The following CWF19L2 variants were observed in gnomAD, a reference collection of about 807,000 sequenced individuals.
CWF19L2 encodes CWF19-like protein 2.
In CWF19L2, 98 loss-of-function variants were observed where a neutral mutation model predicts 111.7. The ratio of observed to expected loss-of-function variants is 0.88; its 90% CI spans 0.75 to 1.04. The LOEUF (loss-of-function observed/expected upper bound fraction) is 1.04, where lower values mean the gene tolerates loss of function less well. Among genes scored for constraint, CWF19L2 ranks in the 50% least tolerant of loss-of-function variants. The pLI is 0.00. For missense variants in CWF19L2, 1,101 were observed against 1,051.4 expected, an observed-to-expected ratio of 1.05 and a Z score of -0.65; for synonymous variants, 351 against 342.9, an observed-to-expected ratio of 1.02 and a Z score of -0.26.
intron 12 of CWF19L2, among the ~76,000 whole-genome samples, chr11:107,375,854 A>G (rs1860590730): frequency 2.2e-5 from 1 of 45,484 alleles, no homozygotes; most frequent in Admixed American, 1.5e-4. Flanking sequence ...GAAAGGATCA[A>G]CAAAATTGAT....
In CWF19L2 at chr11:107,439,187, G is replaced by C. The variant is rs1306488539; in HGVS notation, c.571-4C>G. 6.4e-7 allele frequency: 1 copy of C among 1,566,404 alleles called. No homozygotes were observed. The highest frequency in any genetic ancestry group is 2.2e-5 in the East Asian group (1 of 44,456). ...ATTCTCTTTCCATCAGTTTGGACTA[G>C]AACAAATTATTTTCAGAGGTGAAAT... On this transcript the variant is annotated splice_polypyrimidine_tract_variant and splice_region_variant and intron_variant, in intron 5 of 17. Transcript: ENST00000282251.
chr11:107,422,791 A>G (rs1454357200), intron 8 of CWF19L2, among the ~76,000 whole-genome samples: 1 of 151,986 alleles, frequency 6.6e-6, no homozygotes, highest in African/African-American at 2.4e-5. Context: ...AATATATGGA[A>G]ATTATTTTTA....
chr11:107,432,087 T>C (rs900246383), intron 7 of CWF19L2, among the ~76,000 whole-genome samples: 3 of 152,022 alleles, frequency 2.0e-5, no homozygotes, highest in Non-Finnish European at 4.4e-5. Flanking sequence ...AAAAATAATA[T>C]GAGGGATTTT....
Position 107,405,852 on chromosome 11 carries a change from A to AGAAGAAGAG in CWF19L2, c.1617+10356_1617+10357insCTCTTCTTC, listed in dbSNP as rs1555023833. 2.0e-4 allele frequency among the ~76,000 whole-genome samples: 29 copies of AGAAGAAGAG among 142,982 alleles called. No individual in the cohort carries two copies. In the East Asian group the frequency reaches 6.0e-3, roughly 30 times the overall value. The allele number at this position is 142,982 out of a possible 152,430, so 93.8% of individuals were successfully genotyped here. On this transcript the variant is annotated intron_variant, in intron 10 of 17. Coordinates refer to ENST00000282251, the MANE Select transcript of CWF19L2 (RefSeq NM_152434.3). ...TATGAAGCAAGCCAAAAAAAAAAAAAGAAGAAGAAGAAGAAGATAATGCAA... is the reference window on the plus strand; with the variant it reads ...TATGAAGCAAGCCAAAAAAAAAAAAAGAAGAAGAGGAAGAAGAAGAAGAAGATAATGCAA...
chr11:107,349,148 A>T (rs1410544740), intron 13 of CWF19L2, 95 bp from the exon 14 acceptor site: 2 of 461,094 alleles, frequency 4.3e-6, no homozygotes, highest in African/African-American at 4.0e-5. Flanking sequence ...GTAACAGATG[A>T]GCCCCTAGTA....
intron 10 of CWF19L2, among the ~76,000 whole-genome samples, chr11:107,414,933 T>G (rs1372393380): frequency 1.3e-5 from 2 of 152,196 alleles, no homozygotes; most frequent in African/African-American, 4.8e-5. Flanking sequence ...AAAGCCCACC[T>G]CTACTTCAGC....
At chr11:107,453,211 T>C (rs1287470504) in intron 3 of CWF19L2, among the ~76,000 whole-genome samples, 1 of 152,102 alleles carries the variant, frequency 6.6e-6, no homozygotes, top group Admixed American at 6.5e-5. Flanking sequence ...CATTACACAG[T>C]AGAATAGCTA....
At chr11:107,433,511 C>T (rs549909) in intron 7 of CWF19L2, 123 bp downstream of exon 7, 64,191 of 354,772 alleles carry the variant, frequency 0.18, 6,583 homozygotes, top group Middle Eastern at 0.23. Context: ...CAGAAAATTA[C>T]TTCAGTAGTA....
At chr11:107,335,882 T>C (rs2134523696) in intron 15 of CWF19L2, among the ~76,000 whole-genome samples, 1 of 152,280 alleles carries the variant, frequency 6.6e-6, no homozygotes, top group Admixed American at 6.5e-5. Flanking sequence ...CTTGACACTG[T>C]AATATAGCAC....
chr11:107,443,133 C>T (rs1410657443), intron 3 of CWF19L2, 84 bp from the exon 4 acceptor site: 1 of 921,294 alleles, frequency 1.1e-6, no homozygotes, highest in African/African-American at 1.7e-5. Context: ...GGTAGAAATT[C>T]AACATCGTAG....
At chr11:107,442,347 CAT>C (rs2135421435) in intron 4 of CWF19L2, among the ~76,000 whole-genome samples, 1 of 152,266 alleles carries the variant, frequency 6.6e-6, no homozygotes, top group East Asian at 1.9e-4. Flanking sequence ...CTTTCATTTT[CAT>C]ATTCATTTAT....
intron 1 of CWF19L2, among the ~76,000 whole-genome samples, chr11:107,456,014 A>G (rs1286056317): frequency 6.6e-6 from 1 of 152,212 alleles, no homozygotes; most frequent in Admixed American, 6.5e-5. Flanking sequence ...TGAGTTACCA[A>G]TCAGAGAGAA....
chr11:107,386,490 T>C (rs1035967362), intron 12 of CWF19L2, among the ~76,000 whole-genome samples: 10 of 152,068 alleles, frequency 6.6e-5, no homozygotes, highest in Admixed American at 2.6e-4. Context: ...GAAAAACCCA[T>C]AGTTATTAAA....
chr11:107,393,683 T>G (rs944117402), intron 10 of CWF19L2, among the ~76,000 whole-genome samples: 1 of 152,164 alleles, frequency 6.6e-6, no homozygotes, highest in Admixed American at 6.5e-5. Flanking sequence ...GGTGTATACA[T>G]GCCATGGAAT....
intron 8 of CWF19L2, among the ~76,000 whole-genome samples, chr11:107,419,131 G>GT (rs1861269053): frequency 6.6e-6 from 1 of 152,190 alleles, no homozygotes; most frequent in Non-Finnish European, 1.5e-5. Context: ...AGGATTGGAG[G>GT]TAGAGTACCT....
At chr11:107,403,596 G>C in intron 10 of CWF19L2, 1 of 785,972 alleles carries the variant, frequency 1.3e-6, no homozygotes, top group South Asian at 1.3e-5. Context: ...GTTTCTTCAA[G>C]GTGTGTCTTC....
chr11:107,345,543 A>G, intron 14 of CWF19L2: 2 of 446,158 alleles, frequency 4.5e-6, no homozygotes, highest in Non-Finnish European at 4.5e-6. Context: ...ATAAACAAAA[A>G]CTGAAAAAAT....
intron 12 of CWF19L2, among the ~76,000 whole-genome samples, chr11:107,385,899 C>T (rs1225946043): frequency 6.6e-6 from 1 of 152,126 alleles, no homozygotes; most frequent in African/African-American, 2.4e-5. Flanking sequence ...TCAAGTAACC[C>T]TTATTTTACT....
At chr11:107,362,074 G>T (rs1207086984) in intron 12 of CWF19L2, among the ~76,000 whole-genome samples, 3 of 152,104 alleles carry the variant, frequency 2.0e-5, no homozygotes, top group African/African-American at 7.2e-5. Flanking sequence ...GACGCACCTG[G>T]AAAATCGAGT....
Sources: gnomAD v4.1 joint callset for allele counts (sites outside exome capture counted in the v4.1 genomes callset) on GRCh38, gnomAD v4.1.1 for gene constraint, MANE v1.5 for transcripts, NCBI Gene and HGNC (gene_info 2026-07-23, HGNC 2026-07-21) for gene names.